The following MGST3 variants were observed in gnomAD, a reference collection of about 807,000 sequenced individuals.
The protein encoded by MGST3 is microsomal glutathione S-transferase 3.
A neutral mutation model predicts 15.8 loss-of-function variants in MGST3; 13 were observed. The observed-to-expected ratio is 0.82, with a 90% CI of 0.54 to 1.31. MGST3 has a LOEUF of 1.31. Among genes scored for constraint, MGST3 ranks in the 50% most tolerant of loss-of-function variants. MGST3 has a pLI of 0.00. For synonymous variants in MGST3, 49 were observed against 68.1 expected (o/e 0.72, Z 1.38); for missense variants, 155 against 192.4 (o/e 0.81, Z 1.15).
rs536047523 is a variant in MGST3, at chr1:165,632,326, G to C, written c.-8+1033G>C. 222 of 1,599,082 alleles carry C rather than the reference G, an allele frequency of 1.4e-4. No individual in the cohort carries two copies. The African/African-American group carries it at 2.7e-3, about 20-fold the overall frequency. On this transcript the variant is annotated intron_variant, in intron 1 of 5. Coordinates refer to ENST00000367889, the MANE Select transcript of MGST3 (RefSeq NM_004528.4). ...TCCTGCGGAATTGCTGCAGATTTTA[G>C]ATTGCTGGTGGGTAGGAGCTGCAGC...
intron 1 of MGST3, among the ~76,000 whole-genome samples, chr1:165,639,608 G>T (rs1648209113): frequency 1.3e-5 from 2 of 152,144 alleles, no homozygotes; most frequent in African/African-American, 4.8e-5. Context: ...TTCGAGACCA[G>T]CCTGGCCAAC....
At position 165,655,891 on chromosome 1, in the gene MGST3, GC is replaced by G. The variant is rs1648695142; in HGVS notation, c.*389del. ...ACTCCAAGGCCAAAGGAATGCTTGA[GC>G]CTAAAAGTTCAAGACCAGCCTGGGC... On this transcript the variant is annotated 3_prime_UTR_variant, in exon 6 of 6. Transcript: ENST00000367889. 1 of 238,540 alleles carries G rather than the reference GC, an allele frequency of 4.2e-6. No individual in the cohort carries two copies. Among genetic ancestry groups the G allele is most frequent in the Non-Finnish European group, 8.3e-6 (1 of 120,080 alleles). The allele number at this position is 238,540 out of a possible 1,614,324, so 14.8% of individuals were successfully genotyped here. A position where few individuals can be genotyped will look rare whatever the true frequency, so the allele number is the denominator to read the frequency against.
intron 1 of MGST3, chr1:165,647,701 T>C (rs890739539): frequency 1.3e-5 from 2 of 151,656 alleles, no homozygotes; most frequent in African/African-American, 4.8e-5. Context: ...TTATTGTCCT[T>C]ACATTTATTG....
intron 1 of MGST3, chr1:165,635,942 A>T (rs1291003850): frequency 6.6e-6 from 1 of 152,204 alleles, no homozygotes; most frequent in Non-Finnish European, 1.5e-5. Flanking sequence ...GCCCTTAGGG[A>T]ACAATCTACT....
chr1:165,652,149 T>A (rs2101724613), intron 4 of MGST3, 114 bp downstream of exon 4: 1 of 797,806 alleles, frequency 1.3e-6, no homozygotes, highest in East Asian at 2.5e-5. Context: ...AGGCACTGCA[T>A]ATTTAAAAGG....
At chr1:165,646,798 CTGTTT>C (rs1648417073) in intron 1 of MGST3, 2 of 152,384 alleles carry the variant, frequency 1.3e-5, no homozygotes, top group African/African-American at 2.4e-5. Flanking sequence ...TGGTCCTGCT[CTGTTT>C]TAAGTGAAGG....
At chr1:165,654,737 T>C (rs926665444) in intron 5 of MGST3, among the ~76,000 whole-genome samples, 3 of 152,186 alleles carry the variant, frequency 2.0e-5, no homozygotes, top group African/African-American at 7.2e-5. Context: ...TCTTGGGAAT[T>C]TGAGAAAAGG....
At chr1:165,649,502 T>C in intron 1 of MGST3, 1 of 269,440 alleles carries the variant, frequency 3.7e-6, no homozygotes, top group East Asian at 9.8e-5. Context: ...ATTTTTTCAA[T>C]AATGTGATTT....
chr1:165,632,529 A>C (rs183141145), intron 1 of MGST3, among the ~76,000 whole-genome samples: 2 of 152,344 alleles, frequency 1.3e-5, no homozygotes, highest in African/African-American at 4.8e-5. Flanking sequence ...CTAACATATA[A>C]AATAGAAACA....
In MGST3 at chr1:165,655,489, C is replaced by G. The variant is rs750733927; in HGVS notation, c.444C>G (p.Pro148=). 1 of 1,614,022 alleles carries G rather than the reference C, an allele frequency of 6.2e-7. No homozygotes were observed. The highest frequency in any genetic ancestry group is 1.1e-5 in the South Asian group (1 of 91,068). The change falls in exon 6 of 6, where the codon CCC becomes CCG. Residue 148 remains proline, a synonymous_variant. Coordinates refer to ENST00000367889, the MANE Select transcript of MGST3 (RefSeq NM_004528.4). ...GWVKSGLGSG[P]KCCH ...TTAAAAGTGGCTTGGGCAGTGGACCCAAATGCTGCCATTAAAGAATTATAG... is the reference window on the plus strand; with the variant it reads ...TTAAAAGTGGCTTGGGCAGTGGACCGAAATGCTGCCATTAAAGAATTATAG...
intron 4 of MGST3, among the ~76,000 whole-genome samples, chr1:165,652,612 A>T (rs1324302156): frequency 6.6e-6 from 1 of 152,192 alleles, no homozygotes; most frequent in Non-Finnish European, 1.5e-5. Flanking sequence ...GGCTTTGCTG[A>T]GATGATAGTT....
rs777910919 is a variant in MGST3 at position 165,656,031 on chromosome 1, C to T, written c.*527C>T. The T allele has an allele frequency of 5.7e-6, 1 of 174,892 alleles. No individual in the cohort carries two copies. Among genetic ancestry groups the T allele is most frequent in the South Asian group, 1.3e-4 (1 of 7,850 alleles). 10.8% of individuals were successfully genotyped at this position (174,892 alleles called of 1,614,324 possible). A position where few individuals can be genotyped will look rare whatever the true frequency, so the allele number is the denominator to read the frequency against. On this transcript the variant is annotated 3_prime_UTR_variant, in exon 6 of 6. Coordinates refer to ENST00000367889, the MANE Select transcript of MGST3 (RefSeq NM_004528.4). Reference sequence around the variant, plus strand: ...GCTAAGGTGGGAGGATCACTTGAGCCCAGGGTGTCAAGGCTGCAGTGAGTT... The same window carrying T: ...GCTAAGGTGGGAGGATCACTTGAGCTCAGGGTGTCAAGGCTGCAGTGAGTT...
chr1:165,637,147 C>G (rs1648134774), intron 1 of MGST3: 1 of 152,092 alleles, frequency 6.6e-6, no homozygotes, highest in East Asian at 1.9e-4. Context: ...AGAATGGCTT[C>G]AAGTTAATCT....
chr1:165,639,531 G>A (rs761371813), intron 1 of MGST3, among the ~76,000 whole-genome samples: 10 of 152,150 alleles, frequency 6.6e-5, no homozygotes, highest in African/African-American at 1.7e-4. Flanking sequence ...GGCCTGGCGC[G>A]GTGGCCCATG....
intron 1 of MGST3, among the ~76,000 whole-genome samples, chr1:165,641,108 A>AG (rs9333420): frequency 0.037 from 5,650 of 152,218 alleles, 159 homozygotes; most frequent in Non-Finnish European, 0.053. Context: ...ACTTGAACCC[A>AG]GGGGGCGGAG....
chr1:165,643,861 G>A (rs965996455), intron 1 of MGST3, among the ~76,000 whole-genome samples: 1 of 151,728 alleles, frequency 6.6e-6, no homozygotes, highest in African/African-American at 2.4e-5. Flanking sequence ...GAGCGAGACT[G>A]TCTCAAAATA....
At chr1:165,650,023 C>G in intron 2 of MGST3, 59 bp downstream of exon 2, 3 of 1,609,732 alleles carry the variant, frequency 1.9e-6, no homozygotes, top group Non-Finnish European at 2.5e-6. Context: ...CAGGCTTAGC[C>G]AAGAACTTAT....
chr1:165,645,596 T>C (rs1296043515), intron 1 of MGST3: 1 of 152,244 alleles, frequency 6.6e-6, no homozygotes, highest in Non-Finnish European at 1.5e-5. Flanking sequence ...TACATAATTA[T>C]ACATGCTATA....
intron 4 of MGST3, among the ~76,000 whole-genome samples, 196 bp downstream of exon 4, chr1:165,652,231 A>G (rs992137378): frequency 1.3e-5 from 2 of 152,248 alleles, no homozygotes; most frequent in Admixed American, 1.3e-4. Flanking sequence ...CAGATAAGGA[A>G]AAGCCTCTCA....
Sources: allele counts gnomAD v4.1 joint callset (sites outside exome capture counted in the v4.1 genomes callset), GRCh38; gene constraint gnomAD v4.1.1; transcripts MANE v1.5; gene names NCBI Gene and HGNC (gene_info 2026-07-23, HGNC 2026-07-21).